Variants in PGM5 observed in about 807,000 individuals in gnomAD.
PGM5 encodes phosphoglucomutase-like protein 5.
Under a neutral mutation model 59.2 loss-of-function variants are expected in PGM5, and 23 were observed. That is an observed-to-expected ratio of 0.39 (90% confidence interval 0.28 to 0.55). The LOEUF (loss-of-function observed/expected upper bound fraction) is 0.55. Among genes scored for constraint, PGM5 ranks in the 20% least tolerant of loss-of-function variants. The probability of loss-of-function intolerance (pLI) is 0.66; values close to 1 mark genes in which losing one functional copy is unlikely to be tolerated. For missense variants in PGM5, 574 were observed against 748.3 expected, an observed-to-expected ratio of 0.77 and a Z score of 2.72; for synonymous variants, 214 against 286.0, an observed-to-expected ratio of 0.75 and a Z score of 2.54.
At chr9:68,377,701 A>C (rs1232545824) in intron 1 of PGM5, among the ~76,000 whole-genome samples, 2 of 152,276 alleles carry the variant, frequency 1.3e-5, no homozygotes, top group African/African-American at 4.8e-5. Context: ...GAGAAAAGTC[A>C]TTCCTGAAGA....
intron 6 of PGM5, among the ~76,000 whole-genome samples, chr9:68,462,691 G>A (rs1486200026): frequency 1.7e-4 from 26 of 151,766 alleles, no homozygotes; most frequent in African/African-American, 6.3e-4. Flanking sequence ...CCCACACCCC[G>A]TACCCTCCCT....
At chr9:68,494,567 A>C (rs1436529799) in intron 9 of PGM5, among the ~76,000 whole-genome samples, 1 of 152,244 alleles carries the variant, frequency 6.6e-6, no homozygotes, top group Non-Finnish European at 1.5e-5. Context: ...TTAAATCACA[A>C]TGTTTGGGGT....
chr9:68,396,244 G>A (rs746938612), intron 6 of PGM5: 1 of 152,170 alleles, frequency 6.6e-6, no homozygotes, highest in Non-Finnish European at 1.5e-5. Flanking sequence ...GAGCTTAAGT[G>A]ACTTGTACAA....
chr9:68,480,873 G>A (rs1824186699), intron 8 of PGM5, among the ~76,000 whole-genome samples: 1 of 152,164 alleles, frequency 6.6e-6, no homozygotes, highest in Non-Finnish European at 1.5e-5. Flanking sequence ...TTCTGGAAGT[G>A]TGGTTACTTG....
intron 10 of PGM5, among the ~76,000 whole-genome samples, chr9:68,508,104 C>T (rs1296135104): frequency 2.0e-5 from 3 of 152,238 alleles, no homozygotes; most frequent in Non-Finnish European, 4.4e-5. Context: ...TGGTCTAGGA[C>T]TTGTGGGAAA....
At chr9:68,432,291 C>T (rs1554683087) in intron 6 of PGM5, among the ~76,000 whole-genome samples, 1 of 151,816 alleles carries the variant, frequency 6.6e-6, no homozygotes, top group African/African-American at 2.4e-5. Flanking sequence ...CCTCTGCCTC[C>T]TGGGTTCCAG....
In PGM5 at chr9:68,469,062, G is replaced by A. The variant is rs58973186; in HGVS notation, c.1159+3854G>A. 4.7e-4 allele frequency among the ~76,000 whole-genome samples: 71 copies of A among 152,136 alleles called. 1 individual carries two copies. The South Asian group carries it at 0.012, about 25-fold the overall frequency. ...CCTCCCAAGTAGCAGGACCACAGGC[G>A]TGTGCCATCACTCCCTGACTAATAT... On this transcript the variant is annotated intron_variant, in intron 7 of 10. Transcript: ENST00000396396.
intron 10 of PGM5, among the ~76,000 whole-genome samples, chr9:68,524,191 C>A (rs1182590692): frequency 6.6e-6 from 1 of 151,816 alleles, no homozygotes; most frequent in African/African-American, 2.4e-5. Context: ...GGTGTGGATG[C>A]CAAAATACTC....
intron 6 of PGM5, among the ~76,000 whole-genome samples, chr9:68,408,359 G>A (rs1822859946): frequency 6.6e-6 from 1 of 152,216 alleles, no homozygotes; most frequent in East Asian, 1.9e-4. Context: ...TTAGAACAAA[G>A]CATAAATGTC....
At chr9:68,390,326 T>G (rs1362026662) in intron 4 of PGM5, among the ~76,000 whole-genome samples, 1 of 152,150 alleles carries the variant, frequency 6.6e-6, no homozygotes, top group Non-Finnish European at 1.5e-5. Flanking sequence ...TGTTTCTGGG[T>G]TTCAGCCTCA....
Position 68,483,910 on chromosome 9 carries a change from G to A in PGM5, c.1341G>A (p.Met447Ile). ...ATCCCAAGACGACATATTATATCAT[G>A]AGGGACCTGGAGGCCCTGGTCACAG... ...GLDPKTTYYI[M>I]RDLEALVTDK... Residue 447 changes from methionine (M) to isoleucine (I), a missense_variant, in exon 9 of 11, where the codon ATG becomes ATA. Physicochemically the swap from Met to Ile is conservative, Grantham distance 10 (BLOSUM62 1). Coordinates refer to ENST00000396396, the MANE Select transcript of PGM5 (RefSeq NM_021965.4). 3 of 1,614,178 alleles carry A rather than the reference G, an allele frequency of 1.9e-6. No individual in the cohort carries two copies. Among genetic ancestry groups the A allele is most frequent in the Non-Finnish European group, 2.5e-6 (3 of 1,180,008 alleles).
intron 6 of PGM5, among the ~76,000 whole-genome samples, chr9:68,448,125 C>T (rs1441457593): frequency 6.6e-6 from 1 of 152,168 alleles, no homozygotes; most frequent in Non-Finnish European, 1.5e-5. Flanking sequence ...GTTGTCTTCT[C>T]CAGTAGCTTC....
intron 6 of PGM5, among the ~76,000 whole-genome samples, chr9:68,432,822 G>T (rs781629909): frequency 1.2e-4 from 18 of 152,086 alleles, no homozygotes; most frequent in Non-Finnish European, 2.6e-4. Flanking sequence ...GGCCAGGCTG[G>T]TATCGAACTC....
At chr9:68,456,473 G>A (rs1823778868) in intron 6 of PGM5, among the ~76,000 whole-genome samples, 1 of 143,562 alleles carries the variant, frequency 7.0e-6, no homozygotes. Flanking sequence ...ACCACGCCTG[G>A]CTAATTTTTT....
intron 1 of PGM5, chr9:68,371,501 G>A (rs1334777307): frequency 2.0e-5 from 3 of 152,082 alleles, no homozygotes; most frequent in East Asian, 1.9e-4. Context: ...TGTGGGATTT[G>A]GGGAAGACAA....
chr9:68,409,873 A>T (rs1341450250), intron 6 of PGM5, among the ~76,000 whole-genome samples: 3 of 25,292 alleles, frequency 1.2e-4, no homozygotes, highest in Non-Finnish European at 2.8e-4. Flanking sequence ...CTTAAAGTAT[A>T]AAAAAAAAAA....
intron 1 of PGM5, among the ~76,000 whole-genome samples, chr9:68,369,453 T>C (rs1834743983): frequency 6.6e-6 from 1 of 152,156 alleles, no homozygotes; most frequent in Non-Finnish European, 1.5e-5. Flanking sequence ...TGGCAACAAG[T>C]GGAGCCCTTT....
At chr9:68,457,539 C>T (rs187806876) in intron 6 of PGM5, among the ~76,000 whole-genome samples, 82 of 152,344 alleles carry the variant, frequency 5.4e-4, no homozygotes, top group African/African-American at 1.8e-3. Context: ...GCTGTATATT[C>T]ATTTAATGTC....
chr9:68,523,758 A>G (rs910966648), intron 10 of PGM5, among the ~76,000 whole-genome samples: 7 of 152,124 alleles, frequency 4.6e-5, no homozygotes, highest in African/African-American at 1.2e-4. Context: ...CATGGCTCCA[A>G]TCCTTCCCCG....
Sources: gnomAD v4.1 joint callset for allele counts (sites outside exome capture counted in the v4.1 genomes callset) on GRCh38, gnomAD v4.1.1 for gene constraint, MANE v1.5 for transcripts, NCBI Gene and HGNC (gene_info 2026-07-23, HGNC 2026-07-21) for gene names.